Variants in BFAR observed in about 807,000 individuals in gnomAD.
BFAR encodes RING finger protein 47.
A neutral mutation model predicts 54.4 loss-of-function variants in BFAR; 52 were observed. That is an observed-to-expected ratio of 0.96 (90% CI 0.77 to 1.21). The LOEUF is 1.21. Among genes scored for constraint, BFAR ranks in the 50% most tolerant of loss-of-function variants. The pLI is 0.00. For missense variants in BFAR, 571 were observed against 534.0 expected (o/e 1.07, Z -0.68); for synonymous variants, 215 against 204.3 (o/e 1.05, Z -0.45).
chr16:14,645,499 T>C (rs986290358), intron 2 of BFAR, among the ~76,000 whole-genome samples: 3 of 152,220 alleles, frequency 2.0e-5, no homozygotes, highest in Admixed American at 1.3e-4. Flanking sequence ...TCTGCTTCTT[T>C]GGCTCATAAT....
chr16:14,662,945 A>G (rs748017729), intron 6 of BFAR, among the ~76,000 whole-genome samples: 3 of 152,122 alleles, frequency 2.0e-5, no homozygotes, highest in African/African-American at 4.8e-5. Context: ...GTCGTGATCA[A>G]TGGAGCAAGC....
At chr16:14,661,684 G>A (rs929087441) in intron 5 of BFAR, among the ~76,000 whole-genome samples, 2 of 152,096 alleles carry the variant, frequency 1.3e-5, no homozygotes, top group Non-Finnish European at 2.9e-5. Context: ...ATTTACAGGC[G>A]TGAGCCACCA....
chr16:14,643,750 T>A (rs1279050017), intron 1 of BFAR: 1 of 151,778 alleles, frequency 6.6e-6, no homozygotes, highest in Non-Finnish European at 1.5e-5. Context: ...TCCAGCCTTG[T>A]TGAGAATGAA....
At chr16:14,639,008 CA>C (rs1959539886) in intron 1 of BFAR, among the ~76,000 whole-genome samples, 1 of 151,694 alleles carries the variant, frequency 6.6e-6, no homozygotes, top group Non-Finnish European at 1.5e-5. Context: ...TTAATAAACG[CA>C]GTAAGAATGA....
intron 1 of BFAR, chr16:14,633,233 T>C (rs1011421243): frequency 9.9e-5 from 15 of 152,276 alleles, no homozygotes; most frequent in Non-Finnish European, 1.8e-4. Flanking sequence ...GCGCTATCCC[T>C]TCCCGAGAGC....
chr16:14,633,743 C>T (rs888068789), intron 1 of BFAR, among the ~76,000 whole-genome samples: 13 of 152,316 alleles, frequency 8.5e-5, no homozygotes, highest in Admixed American at 5.2e-4. Flanking sequence ...ACCTCCGCCT[C>T]CCAGGTTCAA....
chr16:14,652,993 G>A (rs1567490959), intron 4 of BFAR, among the ~76,000 whole-genome samples: 2 of 152,066 alleles, frequency 1.3e-5, no homozygotes, highest in Admixed American at 6.6e-5. Context: ...CTGTTTTGAG[G>A]AAATGGCATG....
chr16:14,641,550 C>CAA (rs530864447), intron 1 of BFAR, among the ~76,000 whole-genome samples: 4 of 102,466 alleles, frequency 3.9e-5, no homozygotes, highest in South Asian at 3.1e-4. Flanking sequence ...GACTCCATCT[C>CAA]AAAAAAAAAA....
chr16:14,648,008 G>A (rs1163429183), intron 2 of BFAR, among the ~76,000 whole-genome samples: 1 of 152,106 alleles, frequency 6.6e-6, no homozygotes, highest in East Asian at 1.9e-4. Flanking sequence ...GGGAGGCCCC[G>A]GTGGGCAGAT....
At position 14,668,256 on chromosome 16, in the gene BFAR, C is replaced by A; in HGVS notation, c.*429C>A. 5.7e-6 allele frequency: 1 copy of A among 176,534 alleles called. No homozygotes were observed. The highest frequency in any genetic ancestry group is 5.9e-5 in the Admixed American group (1 of 16,904). The allele number at this position is 176,534 out of a possible 1,614,324, so 10.9% of individuals were successfully genotyped here. Reference sequence around the variant, plus strand: ...CAGGTTTATTGGGGCCTGGCCTGTCCTCTAAGTCAAGTTTAGGAAAACAAG... The same window carrying A: ...CAGGTTTATTGGGGCCTGGCCTGTCATCTAAGTCAAGTTTAGGAAAACAAG... On this transcript the variant is annotated 3_prime_UTR_variant, in exon 8 of 8. Transcript: ENST00000261658.
At chr16:14,643,190 G>A (rs1378145939) in intron 1 of BFAR, among the ~76,000 whole-genome samples, 1 of 152,136 alleles carries the variant, frequency 6.6e-6, no homozygotes. Context: ...GCACGCACCT[G>A]TAATCCCAGC....
At chr16:14,657,413 T>C (rs753454434) in intron 5 of BFAR, among the ~76,000 whole-genome samples, 3 of 151,730 alleles carry the variant, frequency 2.0e-5, no homozygotes, top group Non-Finnish European at 4.4e-5. Flanking sequence ...CGTGCCCGGC[T>C]AATTTTTTTA....
rs1287334847 is a variant in BFAR, at chr16:14,668,641, T to G, written c.*814T>G. ...CAGGCGGATCACTTGAAGCCAGGAC[T>G]TCAAGACCAGCTTGGCCAACATGGT... On this transcript the variant is annotated 3_prime_UTR_variant, in exon 8 of 8. Coordinates refer to ENST00000261658, the MANE Select transcript of BFAR (RefSeq NM_016561.3). 2 of 153,312 alleles carry G rather than the reference T, an allele frequency of 1.3e-5. No homozygotes were observed. The highest frequency in any genetic ancestry group is 4.8e-5 in the African/African-American group (2 of 41,416). The allele number at this position is 153,312 out of a possible 1,614,324, so 9.5% of individuals were successfully genotyped here.
intron 5 of BFAR, among the ~76,000 whole-genome samples, chr16:14,659,819 TG>T (rs1960240197): frequency 6.6e-6 from 1 of 152,146 alleles, no homozygotes. Context: ...CCCAAAGTGC[TG>T]GGATTACAGG....
intron 1 of BFAR, among the ~76,000 whole-genome samples, chr16:14,635,283 C>G (rs375120480): frequency 3.3e-5 from 5 of 152,074 alleles, no homozygotes; most frequent in African/African-American, 9.7e-5. Flanking sequence ...TGCAGTGAGC[C>G]GAGATTGTGC....
chr16:14,639,686 T>C (rs1959562872), intron 1 of BFAR, among the ~76,000 whole-genome samples: 1 of 152,212 alleles, frequency 6.6e-6, no homozygotes, highest in South Asian at 2.1e-4. Context: ...TCTTTCCTTT[T>C]CTTTTAGGGA....
rs543469186 is a variant in BFAR, at chr16:14,638,312, G to C, written c.-74+5294G>C. On this transcript the variant is annotated intron_variant, in intron 1 of 7. Transcript: ENST00000261658. The stretch of plus-strand genomic sequence containing the variant: ...GTGGGAGGATCACTGGAGCCCGAAA[G>C]TTCAAGCCCACAGTGATCCATGATT... 3.6e-3 allele frequency among the ~76,000 whole-genome samples: 549 copies of C among 152,322 alleles called. 5 individuals carry two copies. Among genetic ancestry groups the C allele is most frequent in the African/African-American group, 0.013 (527 of 41,570 alleles).
chr16:14,649,731 C>G lies in BFAR; in HGVS notation c.469-73C>G, dbSNP rs1311496351. The G allele has an allele frequency of 3.6e-6, 5 of 1,376,574 alleles. No homozygotes were observed. In the African/African-American group the frequency reaches 5.8e-5, roughly 16 times the overall value. The allele number at this position is 1,376,574 out of a possible 1,614,324, so 85.3% of individuals were successfully genotyped here. ...TGAGCTCAGCCTCTTCCTTTCCCCACCTCCCACCCGCATATTTAGAAACTG... is the reference window on the plus strand; with the variant it reads ...TGAGCTCAGCCTCTTCCTTTCCCCAGCTCCCACCCGCATATTTAGAAACTG... On this transcript the variant is annotated intron_variant, in intron 3 of 7. Transcript: ENST00000261658.
At chr16:14,633,472 C>T (rs1959328355) in intron 1 of BFAR, 1 of 152,272 alleles carries the variant, frequency 6.6e-6, no homozygotes, top group Non-Finnish European at 1.5e-5. Context: ...AGTTTACGGT[C>T]TAATTGTCGA....
Sources: allele counts gnomAD v4.1 joint callset (sites outside exome capture counted in the v4.1 genomes callset), GRCh38; gene constraint gnomAD v4.1.1; transcripts MANE v1.5; gene names NCBI Gene and HGNC (gene_info 2026-07-23, HGNC 2026-07-21).